GRM3: variants seen among roughly 807,000 people sequenced by gnomAD.
GRM3 encodes glutamate metabotropic receptor 3.
Under a neutral mutation model 70.5 loss-of-function variants are expected in GRM3, and 26 were observed. That is an observed-to-expected ratio of 0.37 (90% confidence interval 0.27 to 0.51). The LOEUF is 0.51. Ranked by LOEUF, GRM3 falls within the 20% of genes least tolerant of loss-of-function variation. The pLI is 0.93. For synonymous variants in GRM3, 443 were observed against 434.9 expected (o/e 1.02, Z -0.23); for missense variants, 859 against 1,123.8 (o/e 0.76, Z 3.37).
intron 1 of GRM3, among the ~76,000 whole-genome samples, chr7:86,695,348 T>TA (rs1411907610): frequency 4.6e-5 from 7 of 152,216 alleles, no homozygotes. Context: ...TAAAGTTATA[T>TA]AATCCCTAGA....
intron 3 of GRM3, among the ~76,000 whole-genome samples, chr7:86,836,689 T>C (rs750669956): frequency 2.0e-4 from 31 of 152,204 alleles, no homozygotes; most frequent in Non-Finnish European, 3.8e-4. Flanking sequence ...CTTTCCTTTT[T>C]CATGAAGTTC....
rs114869351 is a variant in GRM3, at chr7:86,737,016, G to A, written c.-140-27990G>A. Among the ~76,000 whole-genome samples, 1,356 of 151,650 alleles carry A rather than the reference G, an allele frequency of 8.9e-3. 16 individuals carry two copies. Among genetic ancestry groups the A allele is most frequent in the African/African-American group, 0.031 (1,291 of 41,230 alleles). On this transcript the variant is annotated intron_variant, in intron 1 of 5. Transcript: ENST00000361669. The stretch of plus-strand genomic sequence containing the variant: ...AAGTCCTACATCACCAGTCCTAGGG[G>A]CCATAAAGAAAAAAAAAACATCCAA...
chr7:86,687,121 A>T (rs1794586177), intron 1 of GRM3, among the ~76,000 whole-genome samples: 1 of 152,002 alleles, frequency 6.6e-6, no homozygotes, highest in African/African-American at 2.4e-5. Flanking sequence ...GATTCCATGA[A>T]AAGCTCTGAT....
chr7:86,692,272 T>C (rs1228074547), intron 1 of GRM3, among the ~76,000 whole-genome samples: 1 of 152,202 alleles, frequency 6.6e-6, no homozygotes, highest in Admixed American at 6.5e-5. Context: ...ACATTTTTTC[T>C]CTTAGAATAA....
At chr7:86,686,775 A>C (rs989319924) in intron 1 of GRM3, among the ~76,000 whole-genome samples, 3 of 152,102 alleles carry the variant, frequency 2.0e-5, no homozygotes, top group Non-Finnish European at 4.4e-5. Context: ...ATCAGCAAAT[A>C]AAAGAAACGC....
rs2116544836 is a variant in GRM3 at position 86,786,622 on chromosome 7, G to A, written c.830G>A (p.Arg277His). The A allele has an allele frequency of 6.2e-7, 1 of 1,612,788 alleles. No individual in the cohort carries two copies. Among genetic ancestry groups the A allele is most frequent in the East Asian group, 2.2e-5 (1 of 44,882 alleles). The change falls in exon 3 of 6, where the codon CGC becomes CAC. Residue 277 changes from arginine (R) to histidine (H), a missense_variant. Physicochemically the swap from Arg to His is conservative, Grantham distance 29. Transcript: ENST00000361669. This position sits in a 1 kb window ranked among gnomAD's most constrained non-coding sequence, Gnocchi z 6.0. ...PNARVVVLFM[R>H]SDDSRELIAA... ...GCGCGCGTCGTGGTCCTCTTCATGC[G>A]CAGCGACGACTCGCGGGAGCTCATT...
chr7:86,839,498 A>T lies in GRM3; in HGVS notation c.1984A>T (p.Lys662Ter). Residue 662 changes from lysine to a stop codon, truncating the protein, a stop_gained, in exon 4 of 6, where the codon AAG becomes TAG. Transcript: ENST00000361669. LOFTEE classifies it high-confidence loss of function. This position sits in a 1 kb window ranked among gnomAD's most constrained non-coding sequence, Gnocchi z 4.5. The part of the protein sequence containing the change: ...FAICYSALLT[K>*]TNCIARIFDG... Reference sequence around the variant, plus strand: ...TATCTGTTACTCAGCCCTGCTGACCAAGACAAACTGCATTGCCCGCATCTT... The same window carrying T: ...TATCTGTTACTCAGCCCTGCTGACCTAGACAAACTGCATTGCCCGCATCTT... The T allele has an allele frequency of 6.2e-7, 1 of 1,609,456 alleles. No homozygotes were observed. Among genetic ancestry groups the T allele is most frequent in the Non-Finnish European group, 8.5e-7 (1 of 1,177,316 alleles).
At position 86,864,651 on chromosome 7, in the gene GRM3, C is replaced by CAAAAAAAAAAAAAAAAAAAA. The variant is rs537356930; in HGVS notation, c.*309_*310insAAAAAAAAAAAAAAAAAAAA. The CAAAAAAAAAAAAAAAAAAAA allele has an allele frequency of 8.9e-5, 9 of 101,646 alleles. No homozygotes were observed. Among genetic ancestry groups the CAAAAAAAAAAAAAAAAAAAA allele is most frequent in the Admixed American group, 2.2e-4 (2 of 9,006 alleles). The allele number at this position is 101,646 out of a possible 1,614,324, so 6.3% of individuals were successfully genotyped here. ...TCTACTAAAAAACAAAAAAAAAAAA[C>CAAAAAAAAAAAAAAAAAAAA]AAAAAAAAAAAAACAAAAGAAAAAA... On this transcript the variant is annotated 3_prime_UTR_variant, in exon 6 of 6. Transcript: ENST00000361669.
intron 2 of GRM3, among the ~76,000 whole-genome samples, chr7:86,773,329 G>A (rs1265377580): frequency 6.6e-6 from 1 of 151,906 alleles, no homozygotes; most frequent in Admixed American, 6.6e-5. Flanking sequence ...CAACATTTTA[G>A]TAGATATTAT....
intron 5 of GRM3, among the ~76,000 whole-genome samples, chr7:86,863,115 G>A (rs1387924454): frequency 3.3e-5 from 5 of 152,064 alleles, no homozygotes; most frequent in African/African-American, 9.7e-5. Flanking sequence ...CTCTTTAACC[G>A]ATTCTCTCGG....
intron 1 of GRM3, among the ~76,000 whole-genome samples, chr7:86,761,174 G>A (rs953366715): frequency 6.6e-6 from 1 of 152,088 alleles, no homozygotes. Flanking sequence ...TATATCCTGG[G>A]TATCCAACCC....
At chr7:86,770,251 G>C (rs1408086731) in intron 2 of GRM3, among the ~76,000 whole-genome samples, 2 of 152,080 alleles carry the variant, frequency 1.3e-5, no homozygotes, top group Non-Finnish European at 2.9e-5. Flanking sequence ...GAGTGTTAAA[G>C]CGACTTCAGG....
intron 5 of GRM3, among the ~76,000 whole-genome samples, chr7:86,853,914 C>T (rs536286927): frequency 5.9e-5 from 9 of 152,256 alleles, no homozygotes; most frequent in Admixed American, 2.0e-4. Flanking sequence ...GATGCTTTCA[C>T]TCTTATTCCT....
chr7:86,739,070 T>A (rs535048075), intron 1 of GRM3, among the ~76,000 whole-genome samples: 2 of 152,152 alleles, frequency 1.3e-5, no homozygotes, highest in Non-Finnish European at 2.9e-5. Flanking sequence ...CTCTGCCTCC[T>A]GGGTTCAAGC....
intron 1 of GRM3, among the ~76,000 whole-genome samples, chr7:86,680,961 C>G (rs1176845355): frequency 2.0e-5 from 3 of 152,134 alleles, no homozygotes; most frequent in African/African-American, 7.2e-5. Flanking sequence ...GCTAGGATCT[C>G]TCTTCCTACT....
chr7:86,654,551 A>G (rs937184705), intron 1 of GRM3, among the ~76,000 whole-genome samples: 4 of 152,130 alleles, frequency 2.6e-5, no homozygotes, highest in Admixed American at 6.5e-5. Context: ...CCCAACTAGC[A>G]ACTTATTTTC....
intron 1 of GRM3, among the ~76,000 whole-genome samples, chr7:86,702,925 A>G (rs188780347): frequency 6.6e-6 from 1 of 152,052 alleles, no homozygotes. Context: ...AACGTAAAAG[A>G]AAACAAATCA....
intron 2 of GRM3, among the ~76,000 whole-genome samples, chr7:86,776,224 T>C (rs1796887783): frequency 6.6e-6 from 1 of 152,182 alleles, no homozygotes; most frequent in African/African-American, 2.4e-5. Flanking sequence ...TCATAAACCA[T>C]GGATTACTAT....
intron 3 of GRM3, among the ~76,000 whole-genome samples, chr7:86,795,665 CTG>C (rs1450210684): frequency 2.0e-5 from 3 of 152,104 alleles, no homozygotes; most frequent in Non-Finnish European, 4.4e-5. Context: ...TTTATCCAGT[CTG>C]TCATTGATGG....
Sources: gnomAD v4.1 joint callset for allele counts (sites outside exome capture counted in the v4.1 genomes callset) on GRCh38, gnomAD v4.1.1 for gene constraint, Gnocchi (gnomAD v3.1) non-coding constraint, MANE v1.5 for transcripts, NCBI Gene and HGNC (gene_info 2026-07-23, HGNC 2026-07-21) for gene names.